Variants in SMURF1 observed in about 807,000 individuals in gnomAD.
The protein encoded by SMURF1 is E3 ubiquitin-protein ligase SMURF1.
A neutral mutation model predicts 98.0 loss-of-function variants in SMURF1; 44 were observed. That is an observed-to-expected ratio of 0.45 (90% CI 0.35 to 0.58). The LOEUF (loss-of-function observed/expected upper bound fraction) is 0.58, where lower values mean the gene tolerates loss of function less well. SMURF1 is among the 20% of genes least tolerant of loss of function. The pLI is 0.00. For missense variants in SMURF1, 687 were observed against 938.4 expected (o/e 0.73, Z 3.50); for synonymous variants, 396 against 374.9 (o/e 1.06, Z -0.65).
intron 1 of SMURF1, among the ~76,000 whole-genome samples, chr7:99,141,523 C>G (rs899221814): frequency 2.6e-5 from 4 of 152,182 alleles, no homozygotes. Context: ...TACATTGTAT[C>G]TACAAAGTGA....
chr7:99,107,464 C>T (rs1169178742), intron 1 of SMURF1, among the ~76,000 whole-genome samples: 7 of 152,020 alleles, frequency 4.6e-5, no homozygotes, highest in Admixed American at 6.5e-5. Context: ...CAAAAACAAA[C>T]GAACAAAAAA....
chr7:99,035,658 A>C lies in SMURF1; in HGVS notation c.1868T>G (p.Leu623Arg). The change falls in exon 16 of 18, where the codon CTG (leucine) becomes CGG (arginine). Residue 623 changes from leucine to arginine, a missense_variant. Physicochemically the swap from Leu to Arg is moderately radical, Grantham distance 102. Coordinates refer to ENST00000361368, the MANE Select transcript of SMURF1 (RefSeq NM_181349.3). ...GTTGCTGTCGGCCACACAGTGCTTC[A>C]GCCGCGTGTTCGACTTCCAGTCGTT... is the stretch of plus-strand genomic sequence containing the variant. ...DLNDWKSNTRLKHCVADSNIV... is the reference protein window; with the variant it reads ...DLNDWKSNTRRKHCVADSNIV... The C allele has an allele frequency of 6.2e-7, 1 of 1,614,210 alleles. No homozygotes were observed. Among genetic ancestry groups the C allele is most frequent in the Non-Finnish European group, 8.5e-7 (1 of 1,180,024 alleles).
intron 1 of SMURF1, among the ~76,000 whole-genome samples, chr7:99,111,961 G>A (rs1797334421): frequency 6.6e-6 from 1 of 152,140 alleles, no homozygotes; most frequent in African/African-American, 2.4e-5. Context: ...GAGGAGAGGT[G>A]GGGTGTAGGG....
At chr7:99,086,094 C>T (rs1796671721) in intron 1 of SMURF1, among the ~76,000 whole-genome samples, 1 of 152,124 alleles carries the variant, frequency 6.6e-6, no homozygotes, top group South Asian at 2.1e-4. Context: ...ACCTGTATTC[C>T]CAGCATTTTG....
chr7:99,130,524 C>T (rs1797849735), intron 1 of SMURF1, among the ~76,000 whole-genome samples: 1 of 152,138 alleles, frequency 6.6e-6, no homozygotes, highest in Admixed American at 6.6e-5. Context: ...TACAAATTGA[C>T]AACAAAATTT....
chr7:99,045,130 C>T, intron 11 of SMURF1, among the ~76,000 whole-genome samples: 1 of 151,954 alleles, frequency 6.6e-6, no homozygotes, highest in East Asian at 1.9e-4. Flanking sequence ...CAGAGCAAGA[C>T]CCCGTCTCAA....
intron 11 of SMURF1, among the ~76,000 whole-genome samples, chr7:99,044,840 G>A (rs573982445): frequency 6.6e-6 from 1 of 152,306 alleles, no homozygotes; most frequent in South Asian, 2.1e-4. Context: ...AAAGAGTTAA[G>A]AAGCAGTTGT....
chr7:99,058,050 C>T (rs561675592), intron 3 of SMURF1, among the ~76,000 whole-genome samples: 1 of 152,220 alleles, frequency 6.6e-6, no homozygotes, highest in South Asian at 2.1e-4. Flanking sequence ...CTACCTTGCT[C>T]CTTATGGAAG....
In SMURF1 at chr7:99,061,653, G is replaced by A. The variant is rs553768972; in HGVS notation, c.94+146C>T. The A allele has an allele frequency of 2.6e-4, 139 of 528,048 alleles. 1 individual carries two copies. The highest frequency in any genetic ancestry group is 2.0e-3 in the African/African-American group (103 of 51,192). The allele number at this position is 528,048 out of a possible 1,614,324, so 32.7% of individuals were successfully genotyped here. A position where few individuals can be genotyped will look rare whatever the true frequency, so the allele number is the denominator to read the frequency against. On this transcript the variant is annotated intron_variant, in intron 2 of 17. Transcript: ENST00000361368. The stretch of plus-strand genomic sequence containing the variant: ...GGAACTACCCATGTTGTAGTCAACC[G>A]GGAAATAAAGCTTGGAGAACCATGG...
intron 1 of SMURF1, among the ~76,000 whole-genome samples, chr7:99,104,139 G>A (rs761990170): frequency 1.8e-4 from 28 of 152,000 alleles, no homozygotes; most frequent in Admixed American, 7.2e-4. Flanking sequence ...CGCCTGCCTC[G>A]GCCTCCCAAA....
intron 1 of SMURF1, among the ~76,000 whole-genome samples, chr7:99,124,789 TC>T (rs1377421952): frequency 1.3e-5 from 2 of 152,166 alleles, no homozygotes; most frequent in African/African-American, 4.8e-5. Context: ...AGCAAGGACA[TC>T]CAGGGCAGGG....
At chr7:99,085,525 C>A (rs554745691) in intron 1 of SMURF1, among the ~76,000 whole-genome samples, 11 of 152,210 alleles carry the variant, frequency 7.2e-5, no homozygotes, top group African/African-American at 2.6e-4. Context: ...AGTGCAAGAA[C>A]AGACTAATAC....
At position 99,113,747 on chromosome 7, in the gene SMURF1, G is replaced by A. The variant is rs942574059; in HGVS notation, c.55+29979C>T. Among the ~76,000 whole-genome samples the A allele has an allele frequency of 3.4e-5, 5 of 147,736 alleles. No homozygotes were observed. The Admixed American group carries it at 3.5e-4, about 10-fold the overall frequency. On this transcript the variant is annotated intron_variant, in intron 1 of 17. Coordinates refer to ENST00000361368, the MANE Select transcript of SMURF1 (RefSeq NM_181349.3). ...CCAGCTACTTAGGAGGCTGAGGCAG[G>A]AGAATGGCGTGAACCCGGGAGGCGG...
At chr7:99,101,933 C>CA (rs1286445271) in intron 1 of SMURF1, among the ~76,000 whole-genome samples, 10,723 of 116,438 alleles carry the variant, frequency 0.092, 1,278 homozygotes, top group African/African-American at 0.29. Flanking sequence ...GACCACGTCT[C>CA]AAAAAAAAAA....
At chr7:99,054,149 G>C (rs1795826905) in intron 6 of SMURF1, among the ~76,000 whole-genome samples, 1 of 151,968 alleles carries the variant, frequency 6.6e-6, no homozygotes, top group Non-Finnish European at 1.5e-5. Context: ...ATGTTGCCCT[G>C]GCTGGTCTCA....
At chr7:99,049,183 G>C (rs184750920) in intron 9 of SMURF1, 45 of 181,102 alleles carry the variant, frequency 2.5e-4, no homozygotes, top group Non-Finnish European at 4.8e-4. Flanking sequence ...ATAATTCCCA[G>C]TTCCAAGGTA....
At chr7:99,078,381 A>C (rs1249120301) in intron 1 of SMURF1, among the ~76,000 whole-genome samples, 1 of 152,186 alleles carries the variant, frequency 6.6e-6, no homozygotes, top group East Asian at 1.9e-4. Context: ...TGACAGACTG[A>C]ACACATGCTG....
At position 99,074,434 on chromosome 7, in the gene SMURF1, G is replaced by A. The variant is rs555667068; in HGVS notation, c.56-12597C>T. On this transcript the variant is annotated intron_variant, in intron 1 of 17. Coordinates refer to ENST00000361368, the MANE Select transcript of SMURF1 (RefSeq NM_181349.3). ...GACAATTCGATGATGGGGGAAAAAA[G>A]ATAGCCTTGTCTAGACTGGAAAATA... Among the ~76,000 whole-genome samples the A allele has an allele frequency of 5.9e-5, 9 of 152,270 alleles. No individual in the cohort carries two copies. The South Asian group carries it at 1.4e-3, about 25-fold the overall frequency.
intron 1 of SMURF1, among the ~76,000 whole-genome samples, chr7:99,069,722 C>T (rs1796277192): frequency 6.6e-6 from 1 of 152,088 alleles, no homozygotes; most frequent in South Asian, 2.1e-4. Flanking sequence ...AAAAAAGTCA[C>T]ATTTCAGTTA....
Sources: allele counts gnomAD v4.1 joint callset (sites outside exome capture counted in the v4.1 genomes callset), GRCh38; gene constraint gnomAD v4.1.1; transcripts MANE v1.5; gene names NCBI Gene and HGNC (gene_info 2026-07-23, HGNC 2026-07-21).